Variants in NCALD observed in about 807,000 individuals in gnomAD.
NCALD encodes neurocalcin delta.
In NCALD, 10 loss-of-function variants were observed where a neutral mutation model predicts 18.6. The ratio of observed to expected loss-of-function variants is 0.54; its 90% CI spans 0.33 to 0.91. The LOEUF (loss-of-function observed/expected upper bound fraction) is 0.91. Among genes scored for constraint, NCALD ranks in the 40% least tolerant of loss-of-function variants. The probability of loss-of-function intolerance (pLI) is 0.03; values close to 1 mark genes in which losing one functional copy is unlikely to be tolerated. For missense variants in NCALD, 184 were observed against 247.6 expected, an observed-to-expected ratio of 0.74 and a Z score of 1.72; for synonymous variants, 88 against 87.4, an observed-to-expected ratio of 1.01 and a Z score of -0.04.
chr8:101,825,959 A>T (rs115019448), intron 4 of NCALD, among the ~76,000 whole-genome samples: 1 of 152,344 alleles, frequency 6.6e-6, no homozygotes, highest in African/African-American at 2.4e-5. Flanking sequence ...GACTTAGAGG[A>T]TTTAGATGGC....
intron 4 of NCALD, among the ~76,000 whole-genome samples, chr8:101,876,785 T>C (rs1816246400): frequency 6.6e-6 from 1 of 152,274 alleles, no homozygotes; most frequent in African/African-American, 2.4e-5. Flanking sequence ...TTATGCATGT[T>C]GCTAAGCAAT....
chr8:101,985,340 C>G (rs1391642901), intron 2 of NCALD, among the ~76,000 whole-genome samples: 2 of 152,178 alleles, frequency 1.3e-5, no homozygotes, highest in African/African-American at 4.8e-5. Context: ...GACCTGAGCC[C>G]TCCCACCTGG....
At chr8:101,739,774 GT>G (rs1462170534) in intron 1 of NCALD, among the ~76,000 whole-genome samples, 1 of 152,200 alleles carries the variant, frequency 6.6e-6, no homozygotes, top group Non-Finnish European at 1.5e-5. Flanking sequence ...TACTTTTGAG[GT>G]TTTAGGGCTT....
intron 2 of NCALD, among the ~76,000 whole-genome samples, chr8:101,917,269 A>C (rs139073767): frequency 5.9e-5 from 9 of 152,278 alleles, no homozygotes; most frequent in African/African-American, 1.9e-4. Context: ...AAATTAGGGC[A>C]GAAATCAAGA....
chr8:102,118,789 G>A (rs1264562056), intron 1 of NCALD, among the ~76,000 whole-genome samples: 2 of 151,832 alleles, frequency 1.3e-5, no homozygotes, highest in African/African-American at 4.8e-5. Context: ...ATTATCACAG[G>A]CAACAAATAT....
chr8:102,045,428 G>C (rs546871812), intron 1 of NCALD, among the ~76,000 whole-genome samples: 1 of 152,044 alleles, frequency 6.6e-6, no homozygotes, highest in Admixed American at 6.6e-5. Flanking sequence ...ATTAGAAAAC[G>C]CTTACATTTT....
intron 1 of NCALD, among the ~76,000 whole-genome samples, chr8:102,111,858 A>G (rs1825651527): frequency 6.6e-6 from 1 of 152,180 alleles, no homozygotes. Context: ...CTTTACGTAA[A>G]AATAGGGGAA....
intron 1 of NCALD, among the ~76,000 whole-genome samples, chr8:102,061,696 T>A (rs1269692): frequency 0.77 from 117,529 of 152,148 alleles, 45,670 homozygotes; most frequent in Middle Eastern, 0.81. Context: ...TCAACACTGC[T>A]TTCAAATTCC....
intron 4 of NCALD, among the ~76,000 whole-genome samples, chr8:101,841,430 T>C (rs1814638382): frequency 6.6e-6 from 1 of 152,216 alleles, no homozygotes; most frequent in Admixed American, 6.5e-5. Context: ...AGATACTTCT[T>C]TGTTGTAGGG....
chr8:101,765,039 T>C (rs1367972694), intron 1 of NCALD, among the ~76,000 whole-genome samples: 3 of 152,196 alleles, frequency 2.0e-5, no homozygotes, highest in Non-Finnish European at 4.4e-5. Flanking sequence ...TTCTCATCAG[T>C]ATGTAGGAAG....
chr8:101,772,927 A>T (rs550438047), intron 1 of NCALD, among the ~76,000 whole-genome samples: 1 of 152,328 alleles, frequency 6.6e-6, no homozygotes, highest in South Asian at 2.1e-4. Context: ...GTGACCCCAG[A>T]AAGGGGTAGG....
intron 4 of NCALD, among the ~76,000 whole-genome samples, chr8:101,846,677 C>T (rs922300276): frequency 6.6e-6 from 1 of 152,174 alleles, no homozygotes; most frequent in Non-Finnish European, 1.5e-5. Context: ...TCTGCATGAT[C>T]ATTCTAGGCC....
chr8:101,808,196 A>C (rs770116964), intron 4 of NCALD, among the ~76,000 whole-genome samples: 1 of 152,154 alleles, frequency 6.6e-6, no homozygotes, highest in Non-Finnish European at 1.5e-5. Context: ...TCAGTGAAGA[A>C]ATCCCCTCTA....
At chr8:101,749,046 T>C (rs963539122) in intron 1 of NCALD, among the ~76,000 whole-genome samples, 6 of 152,244 alleles carry the variant, frequency 3.9e-5, no homozygotes, top group Non-Finnish European at 5.9e-5. Flanking sequence ...AGCAGCATCT[T>C]GTCAGTTTCA....
At chr8:101,714,190 A>G (rs1461916692) in intron 2 of NCALD, among the ~76,000 whole-genome samples, 2 of 152,184 alleles carry the variant, frequency 1.3e-5, no homozygotes. Context: ...TAAGAAGAGA[A>G]GAAGTCAAAT....
chr8:101,748,884 G>A (rs751309118), intron 1 of NCALD, among the ~76,000 whole-genome samples: 14 of 152,158 alleles, frequency 9.2e-5, no homozygotes, highest in Non-Finnish European at 1.8e-4. Context: ...ACAGAACCAG[G>A]TTAGGCTCTC....
chr8:101,776,569 C>T (rs576377145), intron 1 of NCALD, among the ~76,000 whole-genome samples: 7 of 152,098 alleles, frequency 4.6e-5, no homozygotes, highest in African/African-American at 1.4e-4. Context: ...GAAGTTCTAC[C>T]AAACATCACA....
At chr8:101,911,726 G>A (rs1366267337) in intron 3 of NCALD, among the ~76,000 whole-genome samples, 1 of 152,068 alleles carries the variant, frequency 6.6e-6, no homozygotes, top group Non-Finnish European at 1.5e-5. Context: ...GGCTACTAAT[G>A]AGCTGCGTTT....
chr8:101,742,942 T>C (rs1586372882), intron 1 of NCALD, among the ~76,000 whole-genome samples: 1 of 152,256 alleles, frequency 6.6e-6, no homozygotes, highest in African/African-American at 2.4e-5. Context: ...TCTATTCCTG[T>C]GTTAGTTTGC....
Sources: gnomAD v4.1 joint callset for allele counts (sites outside exome capture counted in the v4.1 genomes callset) on GRCh38, gnomAD v4.1.1 for gene constraint, MANE v1.5 for transcripts, NCBI Gene and HGNC (gene_info 2026-07-23, HGNC 2026-07-21) for gene names.